LAMP1: variants seen among roughly 807,000 people sequenced by gnomAD.
LAMP1 encodes lysosome-associated membrane glycoprotein 1.
A neutral mutation model predicts 37.5 loss-of-function variants in LAMP1; 7 were observed. The ratio of observed to expected loss-of-function variants is 0.19; its 90% CI spans 0.11 to 0.35. The LOEUF is 0.35. Among genes scored for constraint, LAMP1 ranks in the 10% least tolerant of loss-of-function variants. LAMP1 has a pLI of 1.00. For synonymous variants in LAMP1, 236 were observed against 229.1 expected, an observed-to-expected ratio of 1.03 and a Z score of -0.27; for missense variants, 537 against 552.8, an observed-to-expected ratio of 0.97 and a Z score of 0.29.
intron 2 of LAMP1, among the ~76,000 whole-genome samples, chr13:113,306,834 CTTTTTTTTTTTT>C (rs780041684): frequency 1.2e-5 from 1 of 80,160 alleles, no homozygotes; most frequent in Non-Finnish European, 2.2e-5. Context: ...GAACATTTTC[CTTTTTTTTTTTT>C]TTTTTTTTTT....
chr13:113,306,903 G>A (rs1455082856), intron 2 of LAMP1, among the ~76,000 whole-genome samples: 24 of 135,646 alleles, frequency 1.8e-4, no homozygotes, highest in African/African-American at 3.8e-4. Flanking sequence ...GCAGTGGCGC[G>A]ATCTCTGCTC....
chr13:113,297,591 C>T lies in LAMP1; in HGVS notation c.61+96C>T. 1 of 1,127,058 alleles carries T rather than the reference C, an allele frequency of 8.9e-7. No homozygotes were observed. The highest frequency in any genetic ancestry group is 1.1e-6 in the Non-Finnish European group (1 of 905,554). 69.8% of individuals were successfully genotyped at this position (1,127,058 alleles called of 1,614,324 possible). ...GGGGGACTGCCGGGTCGTTGTCCCG[C>T]GGGTCGCCCCGCACCCACTGCTCCT... On this transcript the variant is annotated intron_variant, in intron 1 of 8. Transcript: ENST00000332556. The surrounding 1 kb of genome is among the most constrained non-coding windows in gnomAD (Gnocchi z 4.4).
chr13:113,306,197 A>G (rs1021729993), intron 1 of LAMP1: 2 of 237,918 alleles, frequency 8.4e-6, no homozygotes, highest in South Asian at 9.5e-5. Context: ...CGTCGCTACT[A>G]AAAACAGAAA....
chr13:113,308,826 T>G (rs1231000958), intron 2 of LAMP1, among the ~76,000 whole-genome samples: 1 of 152,198 alleles, frequency 6.6e-6, no homozygotes, highest in Non-Finnish European at 1.5e-5. Context: ...AGTATACTGC[T>G]TCACTGTAGT....
At chr13:113,298,975 T>C (rs1040631566) in intron 1 of LAMP1, among the ~76,000 whole-genome samples, 8 of 152,132 alleles carry the variant, frequency 5.3e-5, no homozygotes, top group African/African-American at 1.7e-4. Flanking sequence ...ACCCGGTCTC[T>C]ACAAAAATAC....
Position 113,309,710 on chromosome 13 carries a change from A to G in LAMP1, c.251A>G (p.Asn84Ser). 2 of 1,614,200 alleles carry G rather than the reference A, an allele frequency of 1.2e-6. No homozygotes were observed. Among genetic ancestry groups the G allele is most frequent in the Non-Finnish European group, 1.7e-6 (2 of 1,180,030 alleles). ...AACCGCAGCTCCTGTGGAAAAGAGA[A>G]CACTTCTGACCCCAGTCTCGTGATT... Reference protein sequence around the residue: ...VLNRSSCGKENTSDPSLVIAF... With the variant: ...VLNRSSCGKESTSDPSLVIAF... Residue 84 changes from asparagine (N) to serine (S), a missense_variant, in exon 3 of 9, where the codon AAC becomes AGC. By Grantham distance (46) the Asn-to-Ser change is conservative (BLOSUM62 1). Transcript: ENST00000332556.
intron 1 of LAMP1, among the ~76,000 whole-genome samples, chr13:113,302,609 T>A (rs74890085): frequency 1.3e-5 from 2 of 152,206 alleles, no homozygotes; most frequent in Non-Finnish European, 2.9e-5. Context: ...ATTTTTTTTT[T>A]AAGAGACAAG....
At chr13:113,299,054 T>A (rs1011308420) in intron 1 of LAMP1, among the ~76,000 whole-genome samples, 1 of 152,006 alleles carries the variant, frequency 6.6e-6, no homozygotes, top group Non-Finnish European at 1.5e-5. Context: ...GCAGAAGAAT[T>A]GCTTGAACCC....
In LAMP1 at chr13:113,320,277, CTG is replaced by C; in HGVS notation, c.751-66_751-65del. ...TGGCCTTGAATTCACGGTTTCAGGA[CTG>C]TTTGTCTTTTCGAGAGTGTGGAGGA... On this transcript the variant is annotated intron_variant, in intron 5 of 8. Coordinates refer to ENST00000332556, the MANE Select transcript of LAMP1 (RefSeq NM_005561.4). The surrounding 1 kb of genome is among the most constrained non-coding windows in gnomAD (Gnocchi z 4.4). The C allele has an allele frequency of 6.3e-7, 1 of 1,589,022 alleles. No homozygotes were observed. The highest frequency in any genetic ancestry group is 8.6e-7 in the Non-Finnish European group (1 of 1,160,040).
chr13:113,316,656 C>T (rs1186911619), intron 4 of LAMP1, among the ~76,000 whole-genome samples: 1 of 151,984 alleles, frequency 6.6e-6, no homozygotes, highest in South Asian at 2.1e-4. Context: ...CTCCTGACCT[C>T]GTGATCCGCC....
chr13:113,298,621 T>C (rs1008215279), intron 1 of LAMP1, among the ~76,000 whole-genome samples: 2 of 152,344 alleles, frequency 1.3e-5, no homozygotes, highest in Middle Eastern at 3.4e-3. Context: ...TTCCCTTTTT[T>C]GTTTTGCCTG....
At chr13:113,315,688 A>C (rs1337646632) in intron 4 of LAMP1, among the ~76,000 whole-genome samples, 83 of 151,524 alleles carry the variant, frequency 5.5e-4, no homozygotes, top group Non-Finnish European at 2.8e-4. Flanking sequence ...TCAATACATC[A>C]TCTTATCTAA....
rs546112681 is a variant in LAMP1 at position 113,312,287 on chromosome 13, G to A, written c.562+1420G>A. Among the ~76,000 whole-genome samples, 3 of 152,174 alleles carry A rather than the reference G, an allele frequency of 2.0e-5. No individual in the cohort carries two copies. The South Asian group carries it at 6.2e-4, about 31-fold the overall frequency. On this transcript the variant is annotated intron_variant, in intron 4 of 8. Coordinates refer to ENST00000332556, the MANE Select transcript of LAMP1 (RefSeq NM_005561.4). ...TGTAACATACCAAAAATCAGAAAACGAATATTTCTTGACACATAAAGATTA... is the reference window on the plus strand; with the variant it reads ...TGTAACATACCAAAAATCAGAAAACAAATATTTCTTGACACATAAAGATTA...
chr13:113,318,422 G>T (rs2042678328), intron 4 of LAMP1, among the ~76,000 whole-genome samples: 1 of 152,180 alleles, frequency 6.6e-6, no homozygotes, highest in Non-Finnish European at 1.5e-5. Context: ...CAGAGATGTG[G>T]AAAGGATCGA....
intron 2 of LAMP1, among the ~76,000 whole-genome samples, chr13:113,307,304 C>CCCA (rs2042605133): frequency 6.6e-6 from 1 of 151,714 alleles, no homozygotes; most frequent in Admixed American, 6.6e-5. Context: ...ACTACAGGTG[C>CCCA]CCACCACCAC....
In LAMP1 at chr13:113,321,786, T is replaced by G; in HGVS notation, c.1114+59T>G. ...TGGAGGACGTGCTTCAGACTCCGCC[T>G]GTGGACGTTTAGTCGCTTCCGTGTG... On this transcript the variant is annotated intron_variant, in intron 8 of 8. Coordinates refer to ENST00000332556, the MANE Select transcript of LAMP1 (RefSeq NM_005561.4). This position sits in a 1 kb window ranked among gnomAD's most constrained non-coding sequence, Gnocchi z 5.6. The G allele has an allele frequency of 6.5e-7, 1 of 1,545,722 alleles. No homozygotes were observed. The highest frequency in any genetic ancestry group is 8.9e-7 in the Non-Finnish European group (1 of 1,128,632).
rs1291114899 is a variant in LAMP1, at chr13:113,321,124, G to A, written c.877-280G>A. On this transcript the variant is annotated intron_variant, in intron 6 of 8. Transcript: ENST00000332556. This position sits in a 1 kb window ranked among gnomAD's most constrained non-coding sequence, Gnocchi z 5.6. ...TGAGCCCAGGAGTTAAGGTTGCGAT[G>A]AGCCGTGATCACTCCACTGCACTCC... is the stretch of plus-strand genomic sequence containing the variant. 5.0e-6 allele frequency: 2 copies of A among 403,490 alleles called. No homozygotes were observed. Among genetic ancestry groups the A allele is most frequent in the East Asian group, 1.1e-4 (2 of 17,626 alleles). 25.0% of individuals were successfully genotyped at this position (403,490 alleles called of 1,614,324 possible).
Position 113,321,504 on chromosome 13 carries a change from C to T in LAMP1, c.943+34C>T, listed in dbSNP as rs201175037. On this transcript the variant is annotated intron_variant, in intron 7 of 8. Coordinates refer to ENST00000332556, the MANE Select transcript of LAMP1 (RefSeq NM_005561.4). This position sits in a 1 kb window ranked among gnomAD's most constrained non-coding sequence, Gnocchi z 5.6. Reference sequence around the variant, plus strand: ...CCACAATCTCTGCGAGCCCCGCCCCCGCCCGCGCGCCCAGGGTATTCTGGA... The same window carrying T: ...CCACAATCTCTGCGAGCCCCGCCCCTGCCCGCGCGCCCAGGGTATTCTGGA... 6.5e-4 allele frequency: 1,053 copies of T among 1,613,860 alleles called. 1 individual carries two copies. The highest frequency in any genetic ancestry group is 1.7e-3 in the South Asian group (156 of 91,076).
In LAMP1 at chr13:113,319,629, C is replaced by A; in HGVS notation, c.723C>A (p.Asn241Lys). ...CLLASMGLQL[N>K]LTYERKDNTT... ...TGGCCAGCATGGGGCTGCAGCTGAA[C>A]CTCACCTATGAGAGGAAGGACAACA... Residue 241 changes from asparagine to lysine, a missense_variant, in exon 5 of 9, where the codon AAC becomes AAA. By Grantham distance (94) the Asn-to-Lys change is moderately conservative (BLOSUM62 0). Coordinates refer to ENST00000332556, the MANE Select transcript of LAMP1 (RefSeq NM_005561.4). 2 of 1,613,768 alleles carry A rather than the reference C, an allele frequency of 1.2e-6. No homozygotes were observed. The highest frequency in any genetic ancestry group is 2.2e-5 in the South Asian group (2 of 91,068).
Sources: gnomAD v4.1 joint callset for allele counts (sites outside exome capture counted in the v4.1 genomes callset) on GRCh38, gnomAD v4.1.1 for gene constraint, Gnocchi (gnomAD v3.1) non-coding constraint, MANE v1.5 for transcripts, NCBI Gene and HGNC (gene_info 2026-07-23, HGNC 2026-07-21) for gene names.